CAMSAP1: variants seen among roughly 807,000 people sequenced by gnomAD.
CAMSAP1 encodes calmodulin-regulated spectrin-associated protein 1.
Under a neutral mutation model 143.5 loss-of-function variants are expected in CAMSAP1, and 58 were observed. That is an observed-to-expected ratio of 0.40 (90% CI 0.33 to 0.50). CAMSAP1 has a LOEUF of 0.50. Ranked by LOEUF, CAMSAP1 falls within the 20% of genes least tolerant of loss-of-function variation. The pLI is 0.45. For missense variants in CAMSAP1, 1,969 were observed against 2,115.7 expected (o/e 0.93, Z 1.36); for synonymous variants, 945 against 859.3 (o/e 1.10, Z -1.74).
chr9:135,885,278 T>C (rs1301694327), intron 1 of CAMSAP1, among the ~76,000 whole-genome samples: 1 of 152,326 alleles, frequency 6.6e-6, no homozygotes, highest in East Asian at 1.9e-4. Flanking sequence ...TGTACATTTC[T>C]GGCCCTGATC....
chr9:135,865,205 C>G, intron 4 of CAMSAP1: 2 of 897,350 alleles, frequency 2.2e-6, no homozygotes, highest in Non-Finnish European at 3.5e-6. Flanking sequence ...ATAAATAACT[C>G]CAAGGTGGGA....
At chr9:135,865,191 C>T (rs1837331029) in intron 4 of CAMSAP1, 1 of 773,892 alleles carries the variant, frequency 1.3e-6, no homozygotes, top group Non-Finnish European at 2.1e-6. Flanking sequence ...AATTCTTGTA[C>T]TATATAAATA....
At chr9:135,812,535 C>T (rs1268577336) in intron 16 of CAMSAP1, among the ~76,000 whole-genome samples, 2 of 151,680 alleles carry the variant, frequency 1.3e-5, no homozygotes, top group East Asian at 1.9e-4. Context: ...TGTTCACGGG[C>T]GTGGAGTTTC....
chr9:135,818,461 G>A lies in CAMSAP1; in HGVS notation c.4115C>T (p.Ser1372Leu), dbSNP rs750648842. 1.9e-6 allele frequency: 3 copies of A among 1,603,658 alleles called. No individual in the cohort carries two copies. Among genetic ancestry groups the A allele is most frequent in the Non-Finnish European group, 1.7e-6 (2 of 1,178,060 alleles). ...KSKPKKPRPK[S>L]VHREESCSDS... ...GCTGCACGACTCTTCCCGGTGCACC[G>A]ACTTCGGCCGCGGCTTCTTCGGCTT... The change falls in exon 13 of 17, where the codon TCG (serine) becomes TTG (leucine). Residue 1372 changes from serine to leucine, a missense_variant. By Grantham distance (145) the Ser-to-Leu change is moderately radical. Around this residue, in one of 4 missense-constraint regions of CAMSAP1, gnomAD observed 1,390 missense variants for 1,420.8 expected, o/e 0.98. Transcript: ENST00000389532. The surrounding 1 kb of genome is among the most constrained non-coding windows in gnomAD (Gnocchi z 7.7).
chr9:135,821,497 A>G lies in CAMSAP1; in HGVS notation c.3164T>C (p.Val1055Ala). Residue 1055 changes from valine (V) to alanine (A), a missense_variant, in exon 11 of 17, where the codon GTC becomes GCC. By Grantham distance (64) the Val-to-Ala change is moderately conservative. This residue lies in a region of CAMSAP1 where 1,390 missense variants were observed against 1,420.8 expected (regional missense o/e 0.98). Transcript: ENST00000389532. This position sits in a 1 kb window ranked among gnomAD's most constrained non-coding sequence, Gnocchi z 4.6. ...QEQLLMKSPTVPVPGSKNNSQ... is the reference protein window; with the variant it reads ...QEQLLMKSPTAPVPGSKNNSQ... ...GTTATTCTTAGAGCCTGGCACTGGG[A>G]CTGTGGGGGACTTCATCAGAAGCTG... is the stretch of plus-strand genomic sequence containing the variant. 6.2e-7 allele frequency: 1 copy of G among 1,613,992 alleles called. No homozygotes were observed. Among genetic ancestry groups the G allele is most frequent in the Non-Finnish European group, 8.5e-7 (1 of 1,179,898 alleles).
At chr9:135,872,539 T>C (rs1355396035) in intron 3 of CAMSAP1, among the ~76,000 whole-genome samples, 1 of 152,108 alleles carries the variant, frequency 6.6e-6, no homozygotes, top group Admixed American at 6.5e-5. Context: ...TCACATTAAA[T>C]GCAATTGGTT....
At chr9:135,894,287 T>C (rs1838380852) in intron 1 of CAMSAP1, among the ~76,000 whole-genome samples, 1 of 152,094 alleles carries the variant, frequency 6.6e-6, no homozygotes, top group Non-Finnish European at 1.5e-5. Context: ...CACCAGCACC[T>C]GGCCTAGGAG....
chr9:135,847,420 T>C (rs1441099821), intron 7 of CAMSAP1, among the ~76,000 whole-genome samples: 4 of 152,084 alleles, frequency 2.6e-5, no homozygotes, highest in Admixed American at 6.5e-5. Flanking sequence ...CACGTATGTT[T>C]ACTGCAGCAC....
rs1035592911 is a variant in CAMSAP1 at position 135,907,410 on chromosome 9, AGGGCGCGGGCCGGGGGCGGGGGC to A, written c.-274_-252del. ...CGCGGCCCAAAGAGGCGGCGGCAGG[AGGGCGCGGGCCGGGGGCGGGGGC>A]GGGCGCGGGGGCGGGAGCGGGCCGG... On this transcript the variant is annotated 5_prime_UTR_variant, in exon 1 of 17. Coordinates refer to ENST00000389532, the MANE Select transcript of CAMSAP1 (RefSeq NM_015447.4). Among the ~76,000 whole-genome samples, 2 of 144,694 alleles carry A rather than the reference AGGGCGCGGGCCGGGGGCGGGGGC, an allele frequency of 1.4e-5. No homozygotes were observed. The highest frequency in any genetic ancestry group is 1.5e-5 in the Non-Finnish European group (1 of 65,422). The allele number at this position is 144,694 out of a possible 152,430, so 94.9% of individuals were successfully genotyped here. A position where few individuals can be genotyped will look rare whatever the true frequency, so the allele number is the denominator to read the frequency against.
At chr9:135,858,378 A>G (rs534211083) in intron 5 of CAMSAP1, among the ~76,000 whole-genome samples, 1 of 152,104 alleles carries the variant, frequency 6.6e-6, no homozygotes, top group Non-Finnish European at 1.5e-5. Flanking sequence ...ATACCTACTC[A>G]ACACCAACTG....
chr9:135,846,488 A>G (rs1358461926), intron 7 of CAMSAP1, among the ~76,000 whole-genome samples: 1 of 152,176 alleles, frequency 6.6e-6, no homozygotes, highest in African/African-American at 2.4e-5. Context: ...TTCAAGACTA[A>G]AAGAGCAAAA....
rs138031971 is a variant in CAMSAP1, at chr9:135,826,551, G to A, written c.1223+856C>T. 2,941 of 152,782 alleles carry A rather than the reference G, an allele frequency of 0.019. 50 individuals carry two copies. Among genetic ancestry groups the A allele is most frequent in the Non-Finnish European group, 0.031 (2,081 of 68,052 alleles). The allele number at this position is 152,782 out of a possible 1,614,324, so 9.5% of individuals were successfully genotyped here. On this transcript the variant is annotated intron_variant, in intron 8 of 16. Transcript: ENST00000389532. The surrounding 1 kb of genome is among the most constrained non-coding windows in gnomAD (Gnocchi z 4.4). ...CATCCCATCCCTCAACATGGTCACC[G>A]GTTTTAGCTCCTCTCAAACAACCTG...
At chr9:135,901,462 C>T (rs180709179) in intron 1 of CAMSAP1, among the ~76,000 whole-genome samples, 20 of 152,054 alleles carry the variant, frequency 1.3e-4, no homozygotes, top group Admixed American at 1.3e-3. Context: ...ATTAACCGGA[C>T]CAGGAGGTGC....
rs1834970543 is a variant in CAMSAP1 at position 135,809,644 on chromosome 9, T to C, written c.*1665A>G. 1 of 152,632 alleles carries C rather than the reference T, an allele frequency of 6.6e-6. No individual in the cohort carries two copies. 9.5% of individuals were successfully genotyped at this position (152,632 alleles called of 1,614,324 possible). A position where few individuals can be genotyped will look rare whatever the true frequency, so the allele number is the denominator to read the frequency against. On this transcript the variant is annotated 3_prime_UTR_variant, in exon 17 of 17. Coordinates refer to ENST00000389532, the MANE Select transcript of CAMSAP1 (RefSeq NM_015447.4). ...CTTTCTTAAAATAAATACAGTAATA[T>C]CATATCAAACATACAGTGAGAAATA... is the stretch of plus-strand genomic sequence containing the variant.
chr9:135,907,110 T>C lies in CAMSAP1; in HGVS notation c.50A>G (p.Glu17Gly). 1 of 1,132,972 alleles carries C rather than the reference T, an allele frequency of 8.8e-7. No homozygotes were observed. Among genetic ancestry groups the C allele is most frequent in the South Asian group, 3.5e-5 (1 of 28,900 alleles). 70.2% of individuals were successfully genotyped at this position (1,132,972 alleles called of 1,614,324 possible). Reference sequence around the variant, plus strand: ...GTCGGCGGCGCCGTCCGGCGGGGCCTCCATCTTCCTCCAGCCCTCGGCGGC... The same window carrying C: ...GTCGGCGGCGCCGTCCGGCGGGGCCCCCATCTTCCTCCAGCCCTCGGCGGC... ...RAAAEGWRKM[E>G]APPDGAADLV... The change falls in exon 1 of 17, where the codon GAG (glutamate) becomes GGG (glycine). Residue 17 changes from glutamate (E) to glycine (G), a missense_variant. Transcript: ENST00000389532.
At chr9:135,887,966 A>G (rs933367283) in intron 1 of CAMSAP1, among the ~76,000 whole-genome samples, 16 of 152,168 alleles carry the variant, frequency 1.1e-4, no homozygotes, top group Non-Finnish European at 2.9e-5. Context: ...AGGCCCTGGG[A>G]AGGGGTCAGA....
rs79032808 is a variant in CAMSAP1 at position 135,826,779 on chromosome 9, G to C, written c.1223+628C>G. ...GTCCTCCTACCACACACAGCACAAA[G>C]CTCACTCTTACTCCAAGGGAAGCTT... On this transcript the variant is annotated intron_variant, in intron 8 of 16. Transcript: ENST00000389532. This position sits in a 1 kb window ranked among gnomAD's most constrained non-coding sequence, Gnocchi z 4.4. Among the ~76,000 whole-genome samples the C allele has an allele frequency of 0.013, 2,054 of 152,248 alleles. 57 individuals are homozygous for C. The highest frequency in any genetic ancestry group is 0.047 in the African/African-American group (1,948 of 41,536).
At chr9:135,862,796 A>C (rs998260646) in intron 4 of CAMSAP1, among the ~76,000 whole-genome samples, 188 bp from the exon 5 acceptor site, 3 of 152,162 alleles carry the variant, frequency 2.0e-5, no homozygotes, top group Non-Finnish European at 4.4e-5. Flanking sequence ...ATATGTCAAG[A>C]TCCAAGGAGC....
intron 3 of CAMSAP1, among the ~76,000 whole-genome samples, chr9:135,872,269 G>A (rs1389059746): frequency 6.6e-6 from 1 of 152,104 alleles, no homozygotes; most frequent in Non-Finnish European, 1.5e-5. Flanking sequence ...AGCACAGCTG[G>A]GGTAGAATGA....
Sources: allele counts gnomAD v4.1 joint callset (sites outside exome capture counted in the v4.1 genomes callset), GRCh38; gene constraint gnomAD v4.1.1; regional missense constraint gnomAD v4.1.1; non-coding constraint Gnocchi (gnomAD v3.1); transcripts MANE v1.5; gene names NCBI Gene and HGNC (gene_info 2026-07-23, HGNC 2026-07-21).